PLIN2: variants seen among roughly 807,000 people sequenced by gnomAD.
PLIN2 encodes perilipin-2.
PLIN2 carries 33 observed loss-of-function variants against 30.6 expected under a neutral mutation model. The observed-to-expected ratio is 1.08, with a 90% confidence interval of 0.82 to 1.44. The LOEUF (loss-of-function observed/expected upper bound fraction) is 1.44, where lower values mean the gene tolerates loss of function less well. Among genes scored for constraint, PLIN2 ranks in the 40% most tolerant of loss-of-function variants. The pLI, the probability that PLIN2 is intolerant of heterozygous loss-of-function variation, is 0.00. For synonymous variants in PLIN2, 205 were observed against 201.1 expected (o/e 1.02, Z -0.16); for missense variants, 610 against 531.8 (o/e 1.15, Z -1.45).
chr9:19,121,913 A>C (rs1564031146), intron 4 of PLIN2, among the ~76,000 whole-genome samples: 1 of 152,110 alleles, frequency 6.6e-6, no homozygotes, highest in Non-Finnish European at 1.5e-5. Flanking sequence ...CCTGGGCAAC[A>C]AGAGCAAAAC....
At chr9:19,110,422 T>C (rs1028259076) in intron 2 of PLIN2, among the ~76,000 whole-genome samples, 9 of 152,188 alleles carry the variant, frequency 5.9e-5, no homozygotes, top group African/African-American at 1.9e-4. Flanking sequence ...TGCCACATAA[T>C]TGTACACTTA....
downstream of PLIN2, among the ~76,000 whole-genome samples, chr9:19,114,320 C>T (rs990524852): frequency 6.6e-6 from 1 of 152,118 alleles, no homozygotes; most frequent in African/African-American, 2.4e-5. Context: ...TAGAAAGAGA[C>T]TAATTTGAGT....
Position 19,123,557 on chromosome 9 carries a change from A to G in PLIN2, c.309+8T>C. The G allele has an allele frequency of 6.2e-7, 1 of 1,614,214 alleles. No individual in the cohort carries two copies. The highest frequency in any genetic ancestry group is 8.5e-7 in the Non-Finnish European group (1 of 1,180,036). On this transcript the variant is annotated splice_region_variant and intron_variant, in intron 4 of 7. Coordinates refer to ENST00000276914, the MANE Select transcript of PLIN2 (RefSeq NM_001122.4). Reference sequence around the variant, plus strand: ...TGTCAAGTCTCAGCACTTTTGTCCCAAGCTCACCTGAGTTGATGGCTGATT... The same window carrying G: ...TGTCAAGTCTCAGCACTTTTGTCCCGAGCTCACCTGAGTTGATGGCTGATT...
downstream of PLIN2, among the ~76,000 whole-genome samples, chr9:19,112,408 T>G (rs1408942507): frequency 6.6e-6 from 1 of 152,134 alleles, no homozygotes. Context: ...ACAATGAAGC[T>G]GCAAGATGTG....
At chr9:19,116,790 C>G in intron 7 of PLIN2, 141 bp from the exon 8 acceptor site, 2 of 644,514 alleles carry the variant, frequency 3.1e-6, no homozygotes, top group Non-Finnish European at 5.3e-6. Context: ...CCGAGTGCAG[C>G]AGTATTATTC....
chr9:19,108,781 C>T (rs1818123574), intron 2 of PLIN2: 1 of 152,582 alleles, frequency 6.6e-6, no homozygotes, highest in Non-Finnish European at 1.5e-5. Flanking sequence ...TTGAAACAAA[C>T]ACCGATGAAG....
chr9:19,119,587 T>C, intron 6 of PLIN2, 63 bp downstream of exon 6: 1 of 975,130 alleles, frequency 1.0e-6, no homozygotes, highest in South Asian at 2.2e-5. Context: ...TGATTACATT[T>C]AATTCTTGGG....
At chr9:19,114,594 G>A (rs1818196427), downstream of PLIN2, among the ~76,000 whole-genome samples, 1 of 151,896 alleles carries the variant, frequency 6.6e-6, no homozygotes, top group African/African-American at 2.4e-5. Context: ...TGTAGAGAAA[G>A]GGTTTCACGT....
rs778440721 is a variant in PLIN2, at chr9:19,120,845, T to C, written c.595+35A>G. The C allele has an allele frequency of 3.0e-5, 46 of 1,527,324 alleles. No individual in the cohort carries two copies. In the East Asian group the frequency reaches 7.9e-4, roughly 26 times the overall value. 94.6% of individuals were successfully genotyped at this position (1,527,324 alleles called of 1,614,324 possible). A position where few individuals can be genotyped will look rare whatever the true frequency, so the allele number is the denominator to read the frequency against. On this transcript the variant is annotated intron_variant, in intron 5 of 7. Coordinates refer to ENST00000276914, the MANE Select transcript of PLIN2 (RefSeq NM_001122.4). ...ATGAAGCTGTTTAAGAAAGATTTAA[T>C]ATAAAACAGTATTTCAAGATAAAAT...
chr9:19,118,946 C>T lies in PLIN2; in HGVS notation c.778-491G>A, dbSNP rs1015723065. Among the ~76,000 whole-genome samples the T allele has an allele frequency of 3.1e-4, 47 of 152,092 alleles. 1 individual carries two copies. The highest frequency in any genetic ancestry group is 2.5e-4 in the Non-Finnish European group (17 of 68,012). On this transcript the variant is annotated intron_variant, in intron 6 of 7. Transcript: ENST00000276914. Reference sequence around the variant, plus strand: ...GACCTCAGGTGATCCAACCACCTTGCCCTCCTAAAGTGCTGGGATTATAGG... The same window carrying T: ...GACCTCAGGTGATCCAACCACCTTGTCCTCCTAAAGTGCTGGGATTATAGG...
rs1182284400 is a variant in PLIN2 at position 19,126,257 on chromosome 9, A to G, written c.83T>C (p.Leu28Pro). Reference protein sequence around the residue: ...NLPLVSSTYDLMSSAYLSTKD... With the variant: ...NLPLVSSTYDPMSSAYLSTKD... The stretch of plus-strand genomic sequence containing the variant: ...TGTACTGAGATAGGCTGAGGACATG[A>G]GGTCATACGTGGAGCTCACCAAGGG... The change falls in exon 3 of 8, where the codon CTC (leucine) becomes CCC (proline). Residue 28 changes from leucine (L) to proline (P), a missense_variant. Leu to Pro is a moderately conservative substitution (Grantham distance 98). Coordinates refer to ENST00000276914, the MANE Select transcript of PLIN2 (RefSeq NM_001122.4). 1.2e-6 allele frequency: 2 copies of G among 1,614,050 alleles called. No homozygotes were observed. The highest frequency in any genetic ancestry group is 1.7e-6 in the Non-Finnish European group (2 of 1,180,028).
At chr9:19,114,067 C>T (rs2131174194), downstream of PLIN2, among the ~76,000 whole-genome samples, 1 of 152,146 alleles carries the variant, frequency 6.6e-6, no homozygotes, top group East Asian at 1.9e-4. Flanking sequence ...CCGTGAGCTA[C>T]CAAGCCCGGC....
In PLIN2 at chr9:19,118,302, A is replaced by G. The variant is rs1332034319; in HGVS notation, c.912+19T>C. 1.9e-6 allele frequency: 3 copies of G among 1,579,408 alleles called. No homozygotes were observed. Among genetic ancestry groups the G allele is most frequent in the Non-Finnish European group, 1.7e-6 (2 of 1,165,884 alleles). ...GAACTTCTTCAGCAACCAACAAATGACCGTCCCAGTCATCTTACCTCAGCA... is the reference window on the plus strand; with the variant it reads ...GAACTTCTTCAGCAACCAACAAATGGCCGTCCCAGTCATCTTACCTCAGCA... On this transcript the variant is annotated intron_variant, in intron 7 of 7. Transcript: ENST00000276914.
At chr9:19,108,577 C>G (rs1001219219) in exon 3 of PLIN2, 2 of 152,568 alleles carry the variant, frequency 1.3e-5, no homozygotes, top group African/African-American at 4.8e-5. Context: ...ATACAAATTG[C>G]GTATTCAACC....
downstream of PLIN2, among the ~76,000 whole-genome samples, chr9:19,111,327 C>T (rs550233359): frequency 3.9e-5 from 6 of 152,294 alleles, no homozygotes; most frequent in East Asian, 1.2e-3. Context: ...GGATTACAGG[C>T]ATGAGCCACC....
At position 19,110,226 on chromosome 9, in the gene PLIN2, C is replaced by G. The variant is rs528213565; in HGVS notation, n.418-1479G>C. 1.5e-4 allele frequency among the ~76,000 whole-genome samples: 23 copies of G among 151,988 alleles called. No individual in the cohort carries two copies. In the East Asian group the frequency reaches 4.5e-3, roughly 30 times the overall value. On this transcript the variant is annotated intron_variant and non_coding_transcript_variant, in intron 2 of 2. Transcript: ENST00000464326. ...ATTTTTTAGTAGAGATGGGGTTTCA[C>G]CATGTTGGCCAGGCTGGTCTCGAAC...
rs554323742 is a variant in PLIN2 at position 19,123,721 on chromosome 9, T to TA, written c.227-75dup. The TA allele has an allele frequency of 6.5e-4, 874 of 1,346,506 alleles. 5 individuals are homozygous for TA. The highest frequency in any genetic ancestry group is 5.6e-3 in the Middle Eastern group (30 of 5,388). 83.4% of individuals were successfully genotyped at this position (1,346,506 alleles called of 1,614,324 possible). On this transcript the variant is annotated intron_variant, in intron 3 of 7. Coordinates refer to ENST00000276914, the MANE Select transcript of PLIN2 (RefSeq NM_001122.4). ...TGAACACACATTACCATAGGCCTTA[T>TA]AAAAAATGGCAATAATGGGCTGGGC...
chr9:19,116,713 C>CA, intron 7 of PLIN2, 64 bp from the exon 8 acceptor site: 1 of 1,414,616 alleles, frequency 7.1e-7, no homozygotes. Context: ...AGTTCGATGA[C>CA]AGTAGGCTGG....
chr9:19,126,118 C>G lies in PLIN2; in HGVS notation c.222G>C (p.Pro74=). 6.2e-7 allele frequency: 1 copy of G among 1,612,642 alleles called. No homozygotes were observed. Among genetic ancestry groups the G allele is most frequent in the Non-Finnish European group, 8.5e-7 (1 of 1,178,916 alleles). Residue 74 remains proline, a synonymous_variant, in exon 3 of 8, where the codon CCG becomes CCC. Transcript: ENST00000276914. ...SALPIIQKLE[P]QIAVANTYAC... ...TCTTGAAAAATCAGAACTCACTTTG[C>G]GGCTCTAGCTTCTGGATGATGGGCA...
Sources: gnomAD v4.1 joint callset for allele counts (sites outside exome capture counted in the v4.1 genomes callset) on GRCh38, gnomAD v4.1.1 for gene constraint, MANE v1.5 for transcripts, NCBI Gene and HGNC (gene_info 2026-07-23, HGNC 2026-07-21) for gene names.